The following IQSEC1 variants were observed in gnomAD, a reference collection of about 807,000 sequenced individuals.
The protein encoded by IQSEC1 is IQ motif and SEC7 domain-containing protein 1.
IQSEC1 carries 31 observed loss-of-function variants against 91.0 expected under a neutral mutation model. The ratio of observed to expected loss-of-function variants is 0.34; its 90% CI spans 0.26 to 0.46. IQSEC1 has a LOEUF of 0.46. IQSEC1 is among the 20% of genes least tolerant of loss of function. The pLI, the probability that IQSEC1 is intolerant of heterozygous loss-of-function variation, is 1.00. For synonymous variants in IQSEC1, 699 were observed against 662.6 expected (o/e 1.05, Z -0.84); for missense variants, 1,388 against 1,575.6 (o/e 0.88, Z 2.02).
In IQSEC1 at chr3:13,180,546, C is replaced by T. The variant is rs569029366; in HGVS notation, c.273-16413G>A. Among the ~76,000 whole-genome samples, 15 of 152,062 alleles carry T rather than the reference C, an allele frequency of 9.9e-5. No individual in the cohort carries two copies. In the South Asian group the frequency reaches 2.5e-3, roughly 25 times the overall value. On this transcript the variant is annotated intron_variant, in intron 1 of 15. Coordinates refer to the IQSEC1 transcript ENST00000648114. ...GATAAGAGAATAAAAGCAGGCTGCC[C>T]GAGCCAGCAGTGGCAACCCGCTGGG...
At chr3:12,944,426 G>A (rs975417765) in intron 1 of IQSEC1, among the ~76,000 whole-genome samples, 5 of 152,202 alleles carry the variant, frequency 3.3e-5, no homozygotes, top group South Asian at 2.1e-4. Flanking sequence ...GCAGGGGAGC[G>A]TTGGCCTCGC....
chr3:13,109,545 T>G (rs1374482565), intron 2 of IQSEC1, among the ~76,000 whole-genome samples: 7 of 151,970 alleles, frequency 4.6e-5, no homozygotes, highest in Non-Finnish European at 1.0e-4. Context: ...GCCTGCTGGG[T>G]GGTGTTTGGG....
intron 1 of IQSEC1, among the ~76,000 whole-genome samples, chr3:13,184,259 T>C (rs1270932902): frequency 1.3e-5 from 2 of 152,168 alleles, no homozygotes; most frequent in Non-Finnish European, 2.9e-5. Flanking sequence ...GCAAAAATCC[T>C]CAACAAAATG....
chr3:13,057,790 C>T (rs1704929525), intron 1 of IQSEC1, among the ~76,000 whole-genome samples: 1 of 152,228 alleles, frequency 6.6e-6, no homozygotes, highest in Non-Finnish European at 1.5e-5. Context: ...GGAGCTCAGC[C>T]TGCCTGAGTC....
intron 2 of IQSEC1, among the ~76,000 whole-genome samples, chr3:13,096,599 T>C (rs932431910): frequency 3.9e-5 from 6 of 151,936 alleles, no homozygotes; most frequent in African/African-American, 1.5e-4. Flanking sequence ...TGGCCTGGGG[T>C]TTATGTGAAG....
intron 1 of IQSEC1, among the ~76,000 whole-genome samples, chr3:12,950,041 G>A (rs1699437906): frequency 6.6e-6 from 1 of 152,222 alleles, no homozygotes; most frequent in Non-Finnish European, 1.5e-5. Context: ...TCACCCACAC[G>A]TATGCTCACC....
intron 1 of IQSEC1, 34 bp downstream of exon 1, chr3:13,072,958 T>A (rs1419558969): frequency 6.5e-7 from 1 of 1,545,688 alleles, no homozygotes; most frequent in Non-Finnish European, 8.8e-7. Context: ...CTCTGGCCTC[T>A]GGCTTCAGGC....
chr3:12,949,616 G>A lies in IQSEC1; in HGVS notation c.24-7751C>T, dbSNP rs1245015100. On this transcript the variant is annotated intron_variant, in intron 1 of 13. Transcript: ENST00000613206. ...CCAGCCCTCACAAGCTCCCTCTTGG[G>A]GCTTTCTGTGGCTCTTCTCTGCCTA... Among the ~76,000 whole-genome samples the A allele has an allele frequency of 3.3e-5, 5 of 152,364 alleles. No homozygotes were observed. In the East Asian group the frequency reaches 9.7e-4, roughly 29 times the overall value.
chr3:12,904,058 C>G (rs1298732768), intron 12 of IQSEC1, among the ~76,000 whole-genome samples: 2 of 152,258 alleles, frequency 1.3e-5, no homozygotes, highest in Non-Finnish European at 2.9e-5. Context: ...GGCCTCCCCA[C>G]TGTGCCCCGT....
In IQSEC1 at chr3:12,979,145, C is replaced by T. The variant is rs139794542; in HGVS notation, c.24-37280G>A. On this transcript the variant is annotated intron_variant, in intron 1 of 13. Transcript: ENST00000613206. This position sits in a 1 kb window ranked among gnomAD's most constrained non-coding sequence, Gnocchi z 4.3. ...ATAGCACCTGTATACATTCCAATTACTTAACGCTCTTCATTCTATCAAGAA... is the reference window on the plus strand; with the variant it reads ...ATAGCACCTGTATACATTCCAATTATTTAACGCTCTTCATTCTATCAAGAA... 5.1e-4 allele frequency among the ~76,000 whole-genome samples: 77 copies of T among 152,322 alleles called. No homozygotes were observed. Among genetic ancestry groups the T allele is most frequent in the African/African-American group, 1.6e-3 (68 of 41,558 alleles).
At chr3:13,271,238 G>A (rs1160495742) in intron 1 of IQSEC1, among the ~76,000 whole-genome samples, 1 of 152,084 alleles carries the variant, frequency 6.6e-6, no homozygotes, top group African/African-American at 2.4e-5. Context: ...TTAGCCAGAC[G>A]TGGTGGCAGG....
intron 1 of IQSEC1, among the ~76,000 whole-genome samples, chr3:12,955,826 C>T (rs1699866872): frequency 6.6e-6 from 1 of 152,204 alleles, no homozygotes; most frequent in Non-Finnish European, 1.5e-5. Context: ...ACCTGCCCAG[C>T]TGCTCCCCAT....
chr3:13,231,957 C>T (rs998040586), intron 1 of IQSEC1, among the ~76,000 whole-genome samples: 3 of 152,238 alleles, frequency 2.0e-5, no homozygotes, highest in Admixed American at 6.5e-5. Context: ...GCTCCCACGC[C>T]GAGAGGCGGA....
At chr3:13,061,340 G>A (rs1374641634) in intron 1 of IQSEC1, among the ~76,000 whole-genome samples, 1 of 152,204 alleles carries the variant, frequency 6.6e-6, no homozygotes, top group Non-Finnish European at 1.5e-5. Flanking sequence ...TGGAATAAAT[G>A]ATGAGTTTTC....
chr3:13,276,228 ACAGGCGCCTG>A (rs1360585577), intron 1 of IQSEC1, among the ~76,000 whole-genome samples: 4 of 151,620 alleles, frequency 2.6e-5, no homozygotes, highest in African/African-American at 9.7e-5. Context: ...AGCTGGGACT[ACAGGCGCCTG>A]CCACTGCGCC....
rs562174776 is a variant in IQSEC1 at position 13,010,934 on chromosome 3, C to G, written c.23+62058G>C. On this transcript the variant is annotated intron_variant, in intron 1 of 13. Transcript: ENST00000613206. ...TCTACCCAAACTCTCCTCCACTCCC[C>G]ACTTGAGCAGTGCCTGCTCACTAGA... Among the ~76,000 whole-genome samples the G allele has an allele frequency of 4.6e-5, 7 of 152,326 alleles. No individual in the cohort carries two copies. In the South Asian group the frequency reaches 1.5e-3, roughly 32 times the overall value.
intron 1 of IQSEC1, among the ~76,000 whole-genome samples, chr3:13,234,415 C>G (rs1386371186): frequency 1.3e-5 from 2 of 152,200 alleles, no homozygotes; most frequent in African/African-American, 4.8e-5. Flanking sequence ...GGGACCAAGA[C>G]AATGGTTTAA....
At chr3:13,096,328 A>C (rs1032117965) in intron 2 of IQSEC1, among the ~76,000 whole-genome samples, 6 of 152,156 alleles carry the variant, frequency 3.9e-5, no homozygotes, top group African/African-American at 1.4e-4. Flanking sequence ...CCTCTAAGTG[A>C]TCTCAGGGCA....
At chr3:12,996,996 T>C (rs1382105140) in intron 1 of IQSEC1, among the ~76,000 whole-genome samples, 1 of 152,220 alleles carries the variant, frequency 6.6e-6, no homozygotes, top group Non-Finnish European at 1.5e-5. Flanking sequence ...GCGAAGCTAC[T>C]ACAGCATGCT....
Sources: gnomAD v4.1 joint callset for allele counts (sites outside exome capture counted in the v4.1 genomes callset) on GRCh38, gnomAD v4.1.1 for gene constraint, Gnocchi (gnomAD v3.1) non-coding constraint, MANE v1.5 for transcripts, NCBI Gene and HGNC (gene_info 2026-07-23, HGNC 2026-07-21) for gene names.